The following MNAT1 variants were observed in gnomAD, a reference collection of about 807,000 sequenced individuals.
The protein encoded by MNAT1 is MNAT1 component of CDK activating kinase, also known as CDK-activating kinase assembly factor MAT1.
A neutral mutation model predicts 42.0 loss-of-function variants in MNAT1; 43 were observed. The observed-to-expected ratio is 1.02, with a 90% CI of 0.80 to 1.32. The LOEUF (loss-of-function observed/expected upper bound fraction) is 1.32, where lower values mean the gene tolerates loss of function less well. Among genes scored for constraint, MNAT1 ranks in the 40% most tolerant of loss-of-function variants. MNAT1 has a pLI of 0.00. For synonymous variants in MNAT1, 118 were observed against 120.0 expected, an observed-to-expected ratio of 0.98 and a Z score of 0.11; for missense variants, 306 against 350.4, an observed-to-expected ratio of 0.87 and a Z score of 1.01.
At chr14:60,803,536 A>G (rs941020402) in intron 3 of MNAT1, among the ~76,000 whole-genome samples, 16 of 152,228 alleles carry the variant, frequency 1.1e-4, no homozygotes, top group African/African-American at 3.9e-4. Context: ...AATTGTAAAT[A>G]TAGGATTTTC....
At chr14:60,899,125 A>G (rs2035023576) in intron 7 of MNAT1, among the ~76,000 whole-genome samples, 1 of 152,110 alleles carries the variant, frequency 6.6e-6, no homozygotes, top group African/African-American at 2.4e-5. Flanking sequence ...GTAGAATGAA[A>G]TTTTTATCTT....
Position 60,827,535 on chromosome 14 carries a change from A to T in MNAT1, c.687+8688A>T, listed in dbSNP as rs373908821. Among the ~76,000 whole-genome samples, 42 of 152,328 alleles carry T rather than the reference A, an allele frequency of 2.8e-4. 2 individuals carry two copies. The South Asian group carries it at 7.3e-3, about 26-fold the overall frequency. ...TAAAAATTACATTGAGCAGTCAGTT[A>T]TGTCCTGTAAAGCCATAAGTTTGTG... On this transcript the variant is annotated intron_variant, in intron 6 of 7. Coordinates refer to ENST00000261245, the MANE Select transcript of MNAT1 (RefSeq NM_002431.4).
chr14:60,764,278 C>T (rs2030724292), intron 1 of MNAT1, among the ~76,000 whole-genome samples: 1 of 152,170 alleles, frequency 6.6e-6, no homozygotes, highest in South Asian at 2.1e-4. Flanking sequence ...GGGTTATATA[C>T]TTATGTACTT....
chr14:60,807,706 G>A (rs2032416154), intron 3 of MNAT1, among the ~76,000 whole-genome samples: 1 of 152,032 alleles, frequency 6.6e-6, no homozygotes, highest in East Asian at 1.9e-4. Context: ...AAATTTAGTA[G>A]TATCTAAACA....
intron 6 of MNAT1, among the ~76,000 whole-genome samples, chr14:60,825,550 C>A (rs2033031761): frequency 6.6e-6 from 1 of 152,062 alleles, no homozygotes; most frequent in Non-Finnish European, 1.5e-5. Flanking sequence ...AATTTGTGAC[C>A]TATGATAGTT....
intron 7 of MNAT1, among the ~76,000 whole-genome samples, chr14:60,965,068 T>A (rs1205928639): frequency 6.6e-6 from 1 of 152,042 alleles, no homozygotes; most frequent in Admixed American, 6.5e-5. Context: ...GCCCTAGAGA[T>A]CAAAAACAGC....
At position 60,879,696 on chromosome 14, in the gene MNAT1, C is replaced by T. The variant is rs1256471979; in HGVS notation, c.688-18C>T. ...AAATAATAATAAGAGGTATTAAGTT[C>T]CTTCATTTTTCTAACAGGGTCAACA... On this transcript the variant is annotated intron_variant, in intron 6 of 7. Transcript: ENST00000261245. 6.2e-7 allele frequency: 1 copy of T among 1,600,254 alleles called. No homozygotes were observed. The highest frequency in any genetic ancestry group is 8.5e-7 in the Non-Finnish European group (1 of 1,173,592).
At chr14:60,790,632 G>A (rs2031788164) in intron 1 of MNAT1, among the ~76,000 whole-genome samples, 1 of 152,066 alleles carries the variant, frequency 6.6e-6, no homozygotes, top group African/African-American at 2.4e-5. Context: ...GACCACTTTG[G>A]GAACATGTCA....
intron 6 of MNAT1, among the ~76,000 whole-genome samples, chr14:60,829,972 A>G (rs1358458135): frequency 6.6e-6 from 1 of 152,186 alleles, no homozygotes; most frequent in Non-Finnish European, 1.5e-5. Flanking sequence ...TGTTGCGGAT[A>G]TAGTAATTTT....
chr14:60,871,463 CAGTT>C (rs1420319252), intron 6 of MNAT1, among the ~76,000 whole-genome samples: 3 of 152,136 alleles, frequency 2.0e-5, no homozygotes, highest in African/African-American at 7.2e-5. Context: ...TATTGTCTGT[CAGTT>C]TGGTTGTTGT....
At chr14:60,929,164 A>AT (rs1396036965) in intron 7 of MNAT1, among the ~76,000 whole-genome samples, 1,671 of 118,270 alleles carry the variant, frequency 0.014, 6 homozygotes, top group Non-Finnish European at 0.021. Flanking sequence ...AAAAAAAAAA[A>AT]AAAAAAATAT....
chr14:60,766,220 C>T lies in MNAT1; in HGVS notation c.90-29997C>T, dbSNP rs1233471372. On this transcript the variant is annotated intron_variant, in intron 1 of 7. Coordinates refer to ENST00000261245, the MANE Select transcript of MNAT1 (RefSeq NM_002431.4). The stretch of plus-strand genomic sequence containing the variant: ...AAAATTAGCCAGGCTTGGTGGTGGG[C>T]GCCCATAATCCCAGCTACTTGGGAG... 6.6e-5 allele frequency among the ~76,000 whole-genome samples: 10 copies of T among 151,750 alleles called. 1 individual carries two copies. In the South Asian group the frequency reaches 8.3e-4, roughly 13 times the overall value.
intron 7 of MNAT1, among the ~76,000 whole-genome samples, chr14:60,922,612 C>T (rs1384609713): frequency 6.6e-6 from 1 of 151,684 alleles, no homozygotes; most frequent in Admixed American, 6.6e-5. Flanking sequence ...GGGATCTCTA[C>T]AGGGTTTGAT....
At chr14:60,827,598 C>CA (rs1431241512) in intron 6 of MNAT1, among the ~76,000 whole-genome samples, 1 of 152,022 alleles carries the variant, frequency 6.6e-6, no homozygotes, top group Non-Finnish European at 1.5e-5. Flanking sequence ...TGCCAAAGAA[C>CA]AAAAAACAAA....
intron 1 of MNAT1, among the ~76,000 whole-genome samples, chr14:60,745,451 C>G (rs1473598737): frequency 6.6e-6 from 1 of 152,208 alleles, no homozygotes. Flanking sequence ...CAGTCTCGCT[C>G]TGTTGCCTAG....
chr14:60,843,430 C>G (rs2033601243), intron 6 of MNAT1, among the ~76,000 whole-genome samples: 1 of 152,012 alleles, frequency 6.6e-6, no homozygotes, highest in South Asian at 2.1e-4. Context: ...ACCACCATGC[C>G]CGGCTAATTT....
chr14:60,808,402 G>A lies in MNAT1; in HGVS notation c.394G>A (p.Val132Ile). 1.3e-6 allele frequency: 2 copies of A among 1,567,556 alleles called. No individual in the cohort carries two copies. The highest frequency in any genetic ancestry group is 2.4e-5 in the South Asian group (2 of 83,160). ...GATATACCAAAAGGAAAACAAAGAT[G>A]TTATTCAGAAAAATAAATTAAAGCT... ...MEIYQKENKDVIQKNKLKLTR... is the reference protein window; with the variant it reads ...MEIYQKENKDIIQKNKLKLTR... Residue 132 changes from valine (V) to isoleucine (I), a missense_variant, in exon 4 of 8, where the codon GTT becomes ATT. Physicochemically the swap from Val to Ile is conservative, Grantham distance 29. Coordinates refer to ENST00000261245, the MANE Select transcript of MNAT1 (RefSeq NM_002431.4).
chr14:60,799,791 A>G (rs1483828133), intron 3 of MNAT1, among the ~76,000 whole-genome samples: 2 of 152,056 alleles, frequency 1.3e-5, no homozygotes, highest in Non-Finnish European at 2.9e-5. Flanking sequence ...TGTGGACAAC[A>G]TGGGGCCCAT....
In MNAT1 at chr14:60,968,353, T is replaced by C. The variant is rs766941310; in HGVS notation, c.*4T>C. The C allele has an allele frequency of 6.2e-7, 1 of 1,608,436 alleles. No individual in the cohort carries two copies. The highest frequency in any genetic ancestry group is 1.1e-5 in the South Asian group (1 of 90,074). On this transcript the variant is annotated 3_prime_UTR_variant, in exon 8 of 8. Coordinates refer to ENST00000261245, the MANE Select transcript of MNAT1 (RefSeq NM_002431.4). ...GCTTTTCTGGCAGCCCAGTTAACCA[T>C]TTATAAGATTTGGACCTTGGAGCTG...
Sources: gnomAD v4.1 joint callset for allele counts (sites outside exome capture counted in the v4.1 genomes callset) on GRCh38, gnomAD v4.1.1 for gene constraint, MANE v1.5 for transcripts, NCBI Gene and HGNC (gene_info 2026-07-23, HGNC 2026-07-21) for gene names.